Variants in AKAP13 observed in about 807,000 individuals in gnomAD.
AKAP13 encodes the protein A-kinase anchoring protein 13.
AKAP13 carries 80 observed loss-of-function variants against 264.5 expected under a neutral mutation model. The ratio of observed to expected loss-of-function variants is 0.30; its 90% confidence interval spans 0.25 to 0.36. AKAP13 has a LOEUF of 0.36. AKAP13 is among the 10% of genes least tolerant of loss of function. The pLI is 1.00. For missense variants in AKAP13, 3,712 were observed against 3,435.2 expected, an observed-to-expected ratio of 1.08 and a Z score of -2.01; for synonymous variants, 1,380 against 1,250.2, an observed-to-expected ratio of 1.10 and a Z score of -2.19.
chr15:85,521,292 C>G lies in AKAP13; in HGVS notation c.34-136C>G, dbSNP rs2076815654. On this transcript the variant is annotated intron_variant, in intron 2 of 36. Transcript: ENST00000394518. Reference sequence around the variant, plus strand: ...GGTGTATAAGTGCTCAATCTTTATACTTGTTTCAGCTTACCAGAATGGGGG... The same window carrying G: ...GGTGTATAAGTGCTCAATCTTTATAGTTGTTTCAGCTTACCAGAATGGGGG... 4 of 1,029,644 alleles carry G rather than the reference C, an allele frequency of 3.9e-6. No individual in the cohort carries two copies. In the East Asian group the frequency reaches 7.2e-5, roughly 19 times the overall value. 63.8% of individuals were successfully genotyped at this position (1,029,644 alleles called of 1,614,324 possible).
intron 8 of AKAP13, among the ~76,000 whole-genome samples, chr15:85,586,896 G>A (rs935565470): frequency 6.7e-6 from 1 of 149,836 alleles, no homozygotes; most frequent in Non-Finnish European, 1.5e-5. Context: ...CCATAGCACT[G>A]TAGCCTGGGC....
At chr15:85,521,188 C>G (rs1293671809) in intron 2 of AKAP13, among the ~76,000 whole-genome samples, 1 of 152,192 alleles carries the variant, frequency 6.6e-6, no homozygotes, top group African/African-American at 2.4e-5. Flanking sequence ...ATGACCTCCA[C>G]TAAAATGTAA....
intron 4 of AKAP13, among the ~76,000 whole-genome samples, chr15:85,540,877 C>G (rs929869479): frequency 5.9e-5 from 9 of 152,238 alleles, no homozygotes; most frequent in Non-Finnish European, 1.3e-4. Context: ...GAATGTACTA[C>G]TGCTACATGC....
chr15:85,726,788 T>C (rs926383956), intron 27 of AKAP13, among the ~76,000 whole-genome samples: 2 of 152,270 alleles, frequency 1.3e-5, no homozygotes, highest in Non-Finnish European at 2.9e-5. Flanking sequence ...TCATGTATAA[T>C]ATTGCTGACT....
chr15:85,629,490 A>C lies in AKAP13; in HGVS notation c.4162-9884A>C, dbSNP rs549785661. ...AAAGATTATTCATTAGGCATCCACC[A>C]TGAACCATGCACTTACTACTCATTG... On this transcript the variant is annotated intron_variant, in intron 8 of 36. Coordinates refer to ENST00000394518, the MANE Select transcript of AKAP13 (RefSeq NM_007200.5). 3.3e-5 allele frequency among the ~76,000 whole-genome samples: 5 copies of C among 152,332 alleles called. No individual in the cohort carries two copies. In the South Asian group the frequency reaches 1.0e-3, roughly 32 times the overall value.
At chr15:85,432,770 A>G (rs186571946) in intron 1 of AKAP13, among the ~76,000 whole-genome samples, 1 of 152,274 alleles carries the variant, frequency 6.6e-6, no homozygotes, top group East Asian at 1.9e-4. Context: ...TATTACTATA[A>G]AAGGGCAGAA....
chr15:85,734,040 C>G (rs571037400), intron 30 of AKAP13, among the ~76,000 whole-genome samples: 1 of 152,090 alleles, frequency 6.6e-6, no homozygotes, highest in South Asian at 2.1e-4. Flanking sequence ...CGGGGTTTCT[C>G]CATATTGGTC....
chr15:85,485,569 A>G (rs1488919977), intron 1 of AKAP13, 141 bp from the exon 2 acceptor site: 17 of 628,436 alleles, frequency 2.7e-5, no homozygotes, highest in South Asian at 1.7e-4. Context: ...CTTAGTGTAT[A>G]GCATACAGCT....
chr15:85,413,078 C>T (rs1219379281), intron 1 of AKAP13, among the ~76,000 whole-genome samples: 1 of 152,202 alleles, frequency 6.6e-6, no homozygotes, highest in Non-Finnish European at 1.5e-5. Flanking sequence ...TGCTGCCTCA[C>T]AGAAAAGTTT....
At chr15:85,470,177 T>C (rs1348442881) in intron 1 of AKAP13, among the ~76,000 whole-genome samples, 1 of 152,126 alleles carries the variant, frequency 6.6e-6, no homozygotes, top group Non-Finnish European at 1.5e-5. Context: ...TAATCCCAGC[T>C]ACTCGGGAGG....
Position 85,744,929 on chromosome 15 carries a change from G to A in AKAP13, c.*252G>A, listed in dbSNP as rs2089323592. 2.4e-6 allele frequency: 1 copy of A among 411,288 alleles called. No homozygotes were observed. The allele number at this position is 411,288 out of a possible 1,614,324, so 25.5% of individuals were successfully genotyped here. On this transcript the variant is annotated 3_prime_UTR_variant, in exon 37 of 37. Transcript: ENST00000394518. ...TCTCAGGTTGGGCTGGCCCTACTCA[G>A]GATTACACTGAAAGTAATGGCCTCG...
In AKAP13 at chr15:85,408,909, T is replaced by C. The variant is rs548237150; in HGVS notation, c.-12+28111T>C. 5.0e-4 allele frequency among the ~76,000 whole-genome samples: 76 copies of C among 151,856 alleles called. 5 individuals are homozygous for C. The highest frequency in any genetic ancestry group is 1.8e-3 in the African/African-American group (74 of 41,106). ...TTTTTGAGGAGCTGCCATACTGTTT[T>C]CCATAGTGGCTGTACCATTTTACAT... On this transcript the variant is annotated intron_variant, in intron 1 of 36. Coordinates refer to ENST00000394518, the MANE Select transcript of AKAP13 (RefSeq NM_007200.5).
Position 85,425,055 on chromosome 15 carries a change from T to C in AKAP13, c.-12+44257T>C, listed in dbSNP as rs1436156118. Among the ~76,000 whole-genome samples the C allele has an allele frequency of 2.0e-5, 3 of 152,120 alleles. No homozygotes were observed. The South Asian group carries it at 6.2e-4, about 32-fold the overall frequency. On this transcript the variant is annotated intron_variant, in intron 1 of 36. Coordinates refer to ENST00000394518, the MANE Select transcript of AKAP13 (RefSeq NM_007200.5). ...TGATCACAGATTACCATAACAGATA[T>C]AATAATGAAGATGTTCGAAATATTG... is the stretch of plus-strand genomic sequence containing the variant.
At chr15:85,397,939 T>C (rs539584536) in intron 1 of AKAP13, among the ~76,000 whole-genome samples, 29 of 152,354 alleles carry the variant, frequency 1.9e-4, no homozygotes, top group African/African-American at 6.7e-4. Context: ...CAAACCCTTG[T>C]CTCATTTTAA....
chr15:85,453,862 G>T (rs1249577370), intron 1 of AKAP13, among the ~76,000 whole-genome samples: 2 of 152,034 alleles, frequency 1.3e-5, no homozygotes, highest in African/African-American at 2.4e-5. Context: ...CAGTGAAGAG[G>T]AATGGGATTG....
At chr15:85,647,906 C>T (rs564964779) in intron 10 of AKAP13, among the ~76,000 whole-genome samples, 10 of 151,962 alleles carry the variant, frequency 6.6e-5, no homozygotes, top group Non-Finnish European at 7.4e-5. Context: ...CCAGCCTGGG[C>T]GACAGAGCGA....
chr15:85,685,971 C>T (rs1052005100), intron 16 of AKAP13, among the ~76,000 whole-genome samples: 5 of 152,142 alleles, frequency 3.3e-5, no homozygotes, highest in African/African-American at 1.2e-4. Flanking sequence ...AAAAGAAGTT[C>T]ACTTTCTTAT....
intron 1 of AKAP13, among the ~76,000 whole-genome samples, chr15:85,443,768 A>G (rs1469627038): frequency 4.3e-5 from 5 of 117,462 alleles, no homozygotes; most frequent in African/African-American, 1.4e-4. Flanking sequence ...TGTAAAAAAA[A>G]AAAAGTGTGT....
intron 14 of AKAP13, among the ~76,000 whole-genome samples, chr15:85,677,900 G>A (rs925335051): frequency 5.9e-5 from 9 of 151,872 alleles, no homozygotes; most frequent in African/African-American, 2.2e-4. Context: ...CGCCTGCCTC[G>A]GCCTCCCAAA....
Sources: allele counts gnomAD v4.1 joint callset (sites outside exome capture counted in the v4.1 genomes callset), GRCh38; gene constraint gnomAD v4.1.1; transcripts MANE v1.5; gene names NCBI Gene and HGNC (gene_info 2026-07-23, HGNC 2026-07-21).